Variants in DIAPH1 observed in about 807,000 individuals in gnomAD.
DIAPH1 encodes the protein diaphanous related formin 1.
DIAPH1 carries 46 observed loss-of-function variants against 140.7 expected under a neutral mutation model. The observed-to-expected ratio is 0.33, with a 90% CI of 0.26 to 0.42. DIAPH1 has a LOEUF of 0.42. DIAPH1 is among the 10% of genes least tolerant of loss of function. The pLI, the probability that DIAPH1 is intolerant of heterozygous loss-of-function variation, is 1.00. For missense variants in DIAPH1, 1,310 were observed against 1,558.7 expected, an observed-to-expected ratio of 0.84 and a Z score of 2.69; for synonymous variants, 565 against 551.6, an observed-to-expected ratio of 1.02 and a Z score of -0.34.
At position 141,584,153 on chromosome 5, in the gene DIAPH1, C is replaced by T. The variant is rs1596389538; in HGVS notation, c.373G>A (p.Val125Met). ...TTGGAGGTGTACAAGTATTGGGACA[C>T]CATCTCCCTCTTGATGATGATGTCC... Reference protein sequence around the residue: ...EKDIIIKREMVSQYLYTSKAG... With the variant: ...EKDIIIKREMMSQYLYTSKAG... The change falls in exon 4 of 28, where the codon GTG becomes ATG. Residue 125 changes from valine to methionine, a missense_variant. Val to Met is a conservative substitution (Grantham distance 21). Around this residue, in one of 3 missense-constraint regions of DIAPH1, gnomAD observed 377 missense variants for 497.1 expected, o/e 0.76. Transcript: ENST00000389054. 2.5e-6 allele frequency: 4 copies of T among 1,612,340 alleles called. No individual in the cohort carries two copies. The highest frequency in any genetic ancestry group is 2.5e-6 in the Non-Finnish European group (3 of 1,178,592).
rs149402513 is a variant in DIAPH1, at chr5:141,595,326, C to T, written c.118-7076G>A. On this transcript the variant is annotated intron_variant, in intron 1 of 27. Transcript: ENST00000389054. Reference sequence around the variant, plus strand: ...AATGTAAACTATGGACTGGGTGATGCTGATGTGTTAATGCAGGCTCACCAA... The same window carrying T: ...AATGTAAACTATGGACTGGGTGATGTTGATGTGTTAATGCAGGCTCACCAA... 7.9e-4 allele frequency among the ~76,000 whole-genome samples: 121 copies of T among 152,252 alleles called. 2 individuals are homozygous for T. The highest frequency in any genetic ancestry group is 2.8e-3 in the African/African-American group (116 of 41,552).
At chr5:141,584,805 T>C (rs1411071661) in intron 3 of DIAPH1, among the ~76,000 whole-genome samples, 1 of 152,232 alleles carries the variant, frequency 6.6e-6, no homozygotes, top group Non-Finnish European at 1.5e-5. Flanking sequence ...ATAACAACCA[T>C]GTGTCCAAGC....
intron 6 of DIAPH1, 60 bp downstream of exon 6, chr5:141,583,146 A>G (rs761459023): frequency 6.4e-5 from 92 of 1,438,760 alleles, no homozygotes; most frequent in Non-Finnish European, 8.3e-5. Flanking sequence ...CCTTCAGAGC[A>G]AATAGCCAAG....
chr5:141,574,177 G>A lies in DIAPH1; in HGVS notation c.1673C>T (p.Ala558Val). 1 of 1,614,058 alleles carries A rather than the reference G, an allele frequency of 6.2e-7. No individual in the cohort carries two copies. The highest frequency in any genetic ancestry group is 8.5e-7 in the Non-Finnish European group (1 of 1,180,004). ...VAKLTKELED[A>V]KKEMASLSAA... Reference sequence around the variant, plus strand: ...AGAGAGGGAAGCCATTTCTTTCTTGGCATCTTCCAGTTCCTTTGTCAGCTT... The same window carrying A: ...AGAGAGGGAAGCCATTTCTTTCTTGACATCTTCCAGTTCCTTTGTCAGCTT... The change falls in exon 16 of 28, where the codon GCC becomes GTC. Residue 558 changes from alanine (A) to valine (V), a missense_variant. By Grantham distance (64) the Ala-to-Val change is moderately conservative. Around this residue, in one of 3 missense-constraint regions of DIAPH1, gnomAD observed 589 missense variants for 549.3 expected, o/e 1.07. Transcript: ENST00000389054.
intron 7 of DIAPH1, among the ~76,000 whole-genome samples, chr5:141,581,196 C>G (rs1030156708): frequency 3.3e-5 from 5 of 152,104 alleles, no homozygotes; most frequent in African/African-American, 1.2e-4. Context: ...AGGCAGAGAT[C>G]AGGATGATGC....
Position 141,534,413 on chromosome 5 carries a change from C to T in DIAPH1, c.2503G>A (p.Gly835Arg). ...TTTTGCACAGATTTCTTTTCTTCTCCACCTTCTTGATCCTTCTTGGCTAGC... is the reference window on the plus strand; with the variant it reads ...TTTTGCACAGATTTCTTTTCTTCTCTACCTTCTTGATCCTTCTTGGCTAGC... ...TSKAKKDQEG[G>R]EEKKSVQKKK... The change falls in exon 19 of 28, where the codon GGA (glycine) becomes AGA (arginine). Residue 835 changes from glycine (G) to arginine (R), a missense_variant. Around this residue, in one of 3 missense-constraint regions of DIAPH1, gnomAD observed 589 missense variants for 549.3 expected, o/e 1.07. Transcript: ENST00000389054. 1 of 1,613,638 alleles carries T rather than the reference C, an allele frequency of 6.2e-7. No individual in the cohort carries two copies. The highest frequency in any genetic ancestry group is 8.5e-7 in the Non-Finnish European group (1 of 1,179,954).
At chr5:141,579,318 T>G in intron 8 of DIAPH1, 122 bp from the exon 9 acceptor site, 1 of 825,822 alleles carries the variant, frequency 1.2e-6, no homozygotes, top group African/African-American at 1.7e-5. Context: ...TGTTCCGGAT[T>G]TCTCACATTA....
intron 18 of DIAPH1, among the ~76,000 whole-genome samples, chr5:141,555,374 G>A (rs1036601527): frequency 6.6e-6 from 1 of 152,164 alleles, no homozygotes; most frequent in African/African-American, 2.4e-5. Context: ...TTGACGGTGG[G>A]TTAGGAAGAA....
chr5:141,601,047 G>A (rs1005920481), intron 1 of DIAPH1, among the ~76,000 whole-genome samples: 15 of 152,054 alleles, frequency 9.9e-5, no homozygotes, highest in African/African-American at 3.6e-4. Context: ...TGGACACAAG[G>A]TGGGCAACAT....
Position 141,578,641 on chromosome 5 carries a change from T to TC in DIAPH1, c.934-17dup, listed in dbSNP as rs2099896298. 6.3e-7 allele frequency: 1 copy of TC among 1,592,804 alleles called. No individual in the cohort carries two copies. The highest frequency in any genetic ancestry group is 1.7e-5 in the Admixed American group (1 of 59,982). ...GGCATCCAACCTAAAATAAGAAAATTCAGCAGCTATGTCAATGCTAACTCC... is the reference window on the plus strand; with the variant it reads ...GGCATCCAACCTAAAATAAGAAAATTCCAGCAGCTATGTCAATGCTAACTCC... On this transcript the variant is annotated splice_polypyrimidine_tract_variant and intron_variant, in intron 9 of 27. Transcript: ENST00000389054.
chr5:141,566,732 T>C (rs2099894428), intron 18 of DIAPH1, among the ~76,000 whole-genome samples: 1 of 151,958 alleles, frequency 6.6e-6, no homozygotes, highest in Non-Finnish European at 1.5e-5. Flanking sequence ...CTGTCTCTAC[T>C]AAAAATACAA....
chr5:141,529,497 A>C, intron 20 of DIAPH1, 106 bp downstream of exon 20: 2 of 1,075,262 alleles, frequency 1.9e-6, no homozygotes, highest in Non-Finnish European at 2.9e-6. Context: ...GCCAGCATTC[A>C]TAAGTCAGCA....
intron 18 of DIAPH1, among the ~76,000 whole-genome samples, chr5:141,553,362 G>A (rs2099892040): frequency 2.0e-5 from 3 of 148,598 alleles, no homozygotes; most frequent in South Asian, 2.1e-4. Flanking sequence ...AGTCTCGGCC[G>A]GGCATGGTGG....
chr5:141,614,976 T>C (rs2099902446), intron 1 of DIAPH1, among the ~76,000 whole-genome samples: 1 of 152,202 alleles, frequency 6.6e-6, no homozygotes, highest in Non-Finnish European at 1.5e-5. Flanking sequence ...ACTCCACTTC[T>C]TTCTGCCTGG....
rs1304951593 is a variant in DIAPH1 at position 141,565,900 on chromosome 5, G to C, written c.2482+5528C>G. 6.6e-6 allele frequency among the ~76,000 whole-genome samples: 1 copy of C among 152,130 alleles called. No homozygotes were observed. Among genetic ancestry groups the C allele is most frequent in the African/African-American group, 2.4e-5 (1 of 41,426 alleles). ...TGTCAAAGGAGGGCCCAGTTTTGTG[G>C]TATTCTCCAGCCATGTTCAGTTGCA... On this transcript the variant is annotated intron_variant, in intron 18 of 27. Transcript: ENST00000389054. The surrounding 1 kb of genome is among the most constrained non-coding windows in gnomAD (Gnocchi z 4.3).
At chr5:141,581,675 T>C in intron 7 of DIAPH1, among the ~76,000 whole-genome samples, 1 of 151,804 alleles carries the variant, frequency 6.6e-6, no homozygotes, top group Non-Finnish European at 1.5e-5. Context: ...GGAGCAACAG[T>C]CTAGAAGAAA....
chr5:141,529,733 C>G (rs774285870), intron 19 of DIAPH1, 36 bp from the exon 20 acceptor site: 2 of 1,574,984 alleles, frequency 1.3e-6, no homozygotes, highest in Non-Finnish European at 1.7e-6. Flanking sequence ...ATGTTCTTCT[C>G]GGTCTGTTCC....
At chr5:141,572,101 A>G in intron 16 of DIAPH1, 61 bp from the exon 17 acceptor site, 1 of 1,210,312 alleles carries the variant, frequency 8.3e-7, no homozygotes, top group South Asian at 1.2e-5. Context: ...TCCGTCCTAG[A>G]AAACGGATGA....
Position 141,618,970 on chromosome 5 carries a change from T to G in DIAPH1, c.-56A>C, listed in dbSNP as rs2099903168. The stretch of plus-strand genomic sequence containing the variant: ...GCCTACGCCGCTCCCGCCTGGCAGC[T>G]CCGCGCCCGCCGCCGCCCAGTCGCT... On this transcript the variant is annotated 5_prime_UTR_variant, in exon 1 of 28. Coordinates refer to ENST00000389054, the MANE Select transcript of DIAPH1 (RefSeq NM_005219.5). 9.8e-7 allele frequency: 1 copy of G among 1,016,534 alleles called. No individual in the cohort carries two copies. Among genetic ancestry groups the G allele is most frequent in the Non-Finnish European group, 1.3e-6 (1 of 750,478 alleles). 63.0% of individuals were successfully genotyped at this position (1,016,534 alleles called of 1,614,324 possible).
Sources: gnomAD v4.1 joint callset for allele counts (sites outside exome capture counted in the v4.1 genomes callset) on GRCh38, gnomAD v4.1.1 for gene constraint, gnomAD v4.1.1 regional missense constraint, Gnocchi (gnomAD v3.1) non-coding constraint, MANE v1.5 for transcripts, NCBI Gene and HGNC (gene_info 2026-07-23, HGNC 2026-07-21) for gene names.